Variants in GRIA4 observed in about 807,000 individuals in gnomAD.
GRIA4 encodes glutamate receptor 4.
In GRIA4, 34 loss-of-function variants were observed where a neutral mutation model predicts 104.0. The observed-to-expected ratio is 0.33, with a 90% CI of 0.25 to 0.44. The LOEUF (loss-of-function observed/expected upper bound fraction) is 0.44. Among genes scored for constraint, GRIA4 ranks in the 20% least tolerant of loss-of-function variants. The pLI, the probability that GRIA4 is intolerant of heterozygous loss-of-function variation, is 1.00. For synonymous variants in GRIA4, 386 were observed against 381.9 expected (o/e 1.01, Z -0.13); for missense variants, 750 against 1,096.5 (o/e 0.68, Z 4.46).
chr11:105,744,879 A>T (rs965902060), intron 3 of GRIA4, among the ~76,000 whole-genome samples: 2 of 152,180 alleles, frequency 1.3e-5, no homozygotes, highest in African/African-American at 4.8e-5. Flanking sequence ...TTTAGGGTCA[A>T]CTTTCTTATA....
At chr11:105,795,551 A>G (rs1172540604) in intron 4 of GRIA4, among the ~76,000 whole-genome samples, 1 of 152,090 alleles carries the variant, frequency 6.6e-6, no homozygotes, top group East Asian at 1.9e-4. Context: ...CCAAGTGAGA[A>G]AAGACTTAAA....
chr11:105,967,515 G>C (rs181065955), intron 14 of GRIA4, among the ~76,000 whole-genome samples: 157 of 152,190 alleles, frequency 1.0e-3, no homozygotes, highest in Non-Finnish European at 1.4e-3. Context: ...AAGCCGAATT[G>C]CTTCTTCTTA....
intron 3 of GRIA4, among the ~76,000 whole-genome samples, chr11:105,633,246 T>C (rs1951084469): frequency 6.6e-6 from 1 of 152,240 alleles, no homozygotes; most frequent in African/African-American, 2.4e-5. Flanking sequence ...TCATTTTTAA[T>C]GTGCATGTGT....
chr11:105,866,000 A>G lies in GRIA4; in HGVS notation c.672+3792A>G, dbSNP rs200432537. ...GATCCTCTGGAACAGAATTATCCCA[A>G]TGGGTAGTTGGATGGTCTGCACTCA... On this transcript the variant is annotated intron_variant, in intron 5 of 16. Coordinates refer to ENST00000282499, the MANE Select transcript of GRIA4 (RefSeq NM_000829.4). Among the ~76,000 whole-genome samples, 26 of 152,228 alleles carry G rather than the reference A, an allele frequency of 1.7e-4. No individual in the cohort carries two copies. In the East Asian group the frequency reaches 4.6e-3, roughly 27 times the overall value.
At chr11:105,960,884 G>T (rs138836905) in intron 14 of GRIA4, among the ~76,000 whole-genome samples, 1 of 152,084 alleles carries the variant, frequency 6.6e-6, no homozygotes, top group Non-Finnish European at 1.5e-5. Context: ...TCCCCTTCCC[G>T]GTGTGGGCCA....
intron 3 of GRIA4, among the ~76,000 whole-genome samples, chr11:105,619,180 C>T (rs1215561128): frequency 1.3e-5 from 2 of 151,778 alleles, no homozygotes; most frequent in East Asian, 3.9e-4. Context: ...ATAATCTCCT[C>T]TGGAGTTTTG....
At chr11:105,632,915 C>A (rs77383265) in intron 3 of GRIA4, among the ~76,000 whole-genome samples, 3,779 of 152,114 alleles carry the variant, frequency 0.025, 107 homozygotes, top group African/African-American at 0.065. Context: ...CTCATGTATA[C>A]AAAATAAAAT....
intron 15 of GRIA4, among the ~76,000 whole-genome samples, chr11:105,972,951 A>C (rs1190725360): frequency 6.6e-6 from 1 of 152,150 alleles, no homozygotes; most frequent in Non-Finnish European, 1.5e-5. Context: ...AGCCTCAATT[A>C]ATTTAAGGAG....
At chr11:105,926,424 G>A (rs532433633) in intron 12 of GRIA4, among the ~76,000 whole-genome samples, 8 of 152,242 alleles carry the variant, frequency 5.3e-5, no homozygotes, top group Admixed American at 2.0e-4. Flanking sequence ...GAGGGCAGGA[G>A]AGTATTAATG....
At chr11:105,667,631 A>G (rs1952208466) in intron 3 of GRIA4, among the ~76,000 whole-genome samples, 1 of 151,968 alleles carries the variant, frequency 6.6e-6, no homozygotes. Flanking sequence ...AAAAATTTAC[A>G]TTGATCAGCA....
At chr11:105,726,935 T>C (rs1372992524) in intron 3 of GRIA4, among the ~76,000 whole-genome samples, 1 of 151,342 alleles carries the variant, frequency 6.6e-6, no homozygotes, top group African/African-American at 2.4e-5. Flanking sequence ...GGAAAAACCA[T>C]TGCAAAAAGG....
At chr11:105,669,209 A>C (rs1010137487) in intron 3 of GRIA4, among the ~76,000 whole-genome samples, 2 of 151,810 alleles carry the variant, frequency 1.3e-5, no homozygotes, top group Non-Finnish European at 2.9e-5. Context: ...TTTAGACCGC[A>C]ATTTTTTTCC....
intron 10 of GRIA4, chr11:105,913,050 T>C: frequency 1.1e-6 from 1 of 883,088 alleles, no homozygotes; most frequent in Non-Finnish European, 1.4e-6. Flanking sequence ...TGTTCTTATT[T>C]ATATGTTGAT....
At chr11:105,849,240 T>C (rs1944709807) in intron 4 of GRIA4, among the ~76,000 whole-genome samples, 1 of 152,092 alleles carries the variant, frequency 6.6e-6, no homozygotes, top group Admixed American at 6.6e-5. Flanking sequence ...TCTTCTCCCT[T>C]TGATATGTTG....
chr11:105,929,256 A>T (rs2136203079), intron 13 of GRIA4, among the ~76,000 whole-genome samples: 1 of 152,186 alleles, frequency 6.6e-6, no homozygotes, highest in South Asian at 2.1e-4. Flanking sequence ...TCATTTTCTC[A>T]TAGGAACACA....
chr11:105,783,775 T>A (rs1478398086), intron 4 of GRIA4, among the ~76,000 whole-genome samples: 1 of 151,786 alleles, frequency 6.6e-6, no homozygotes, highest in South Asian at 2.1e-4. Flanking sequence ...TGTGTGTGTG[T>A]GTGTGTGTGT....
At chr11:105,966,341 T>C (rs374754668) in intron 14 of GRIA4, among the ~76,000 whole-genome samples, 29 of 152,192 alleles carry the variant, frequency 1.9e-4, no homozygotes, top group East Asian at 1.4e-3. Context: ...TTTTGGAAAG[T>C]AGGAAGGGAT....
chr11:105,784,685 T>C (rs967421933), intron 4 of GRIA4, among the ~76,000 whole-genome samples: 4 of 152,226 alleles, frequency 2.6e-5, no homozygotes, highest in African/African-American at 9.6e-5. Flanking sequence ...TGCACAAGTA[T>C]GCAAATTTAA....
rs60455963 is a variant in GRIA4, at chr11:105,883,369, C to G, written c.673-4150C>G. On this transcript the variant is annotated intron_variant, in intron 5 of 16. Coordinates refer to ENST00000282499, the MANE Select transcript of GRIA4 (RefSeq NM_000829.4). The stretch of plus-strand genomic sequence containing the variant: ...TGTATACATGCGCCATGTTGGTGTG[C>G]TGCACCCATTAACTTCTCATTTACA... 2.0e-5 allele frequency among the ~76,000 whole-genome samples: 3 copies of G among 150,780 alleles called. No individual in the cohort carries two copies. In the East Asian group the frequency reaches 5.9e-4, roughly 30 times the overall value.
Sources: allele counts gnomAD v4.1 joint callset (sites outside exome capture counted in the v4.1 genomes callset), GRCh38; gene constraint gnomAD v4.1.1; transcripts MANE v1.5; gene names NCBI Gene and HGNC (gene_info 2026-07-23, HGNC 2026-07-21).